Variants in UBE3C observed in about 807,000 individuals in gnomAD.
UBE3C encodes the protein ubiquitin-protein ligase E3C.
In UBE3C, 42 loss-of-function variants were observed where a neutral mutation model predicts 129.4. That is an observed-to-expected ratio of 0.32 (90% CI 0.25 to 0.42). UBE3C has a LOEUF of 0.42. Among genes scored for constraint, UBE3C ranks in the 10% least tolerant of loss-of-function variants. UBE3C has a pLI of 1.00. For missense variants in UBE3C, 1,049 were observed against 1,319.1 expected (o/e 0.80, Z 3.17); for synonymous variants, 510 against 492.4 (o/e 1.04, Z -0.47).
chr7:157,190,674 A>G (rs1351628724), intron 10 of UBE3C, among the ~76,000 whole-genome samples: 1 of 152,068 alleles, frequency 6.6e-6, no homozygotes, highest in East Asian at 1.9e-4. Context: ...GGAAAATACA[A>G]CCCTGATTAT....
At position 157,163,888 on chromosome 7, in the gene UBE3C, G is replaced by GT. The variant is rs1808142911; in HGVS notation, c.120+26dup. ...GGTAAAAACAGTTTTGTAATACTCT[G>GT]TAGATAAGCATTTTTTCTACAGCAT... On this transcript the variant is annotated intron_variant, in intron 2 of 22. Coordinates refer to ENST00000348165, the MANE Select transcript of UBE3C (RefSeq NM_014671.3). 2.5e-6 allele frequency: 4 copies of GT among 1,607,984 alleles called. No homozygotes were observed. The Admixed American group carries it at 6.7e-5, about 27-fold the overall frequency.
intron 6 of UBE3C, among the ~76,000 whole-genome samples, chr7:157,180,580 C>T (rs1320611251): frequency 2.6e-5 from 4 of 151,974 alleles, no homozygotes; most frequent in Non-Finnish European, 4.4e-5. Context: ...AATGTGCTAC[C>T]AAATACGCTT....
In UBE3C at chr7:157,188,197, T is replaced by G. The variant is rs189799317; in HGVS notation, c.1331+1176T>G. Among the ~76,000 whole-genome samples the G allele has an allele frequency of 2.4e-3, 364 of 152,370 alleles. 3 individuals carry two copies. Among genetic ancestry groups the G allele is most frequent in the Non-Finnish European group, 3.2e-3 (218 of 68,048 alleles). ...CAAAAGCTGTCAGTAAGTAAGCAGG[T>G]CTGACGTTAATTCACGTTACCCTAC... On this transcript the variant is annotated intron_variant, in intron 10 of 22. Coordinates refer to ENST00000348165, the MANE Select transcript of UBE3C (RefSeq NM_014671.3).
chr7:157,160,264 G>A (rs747379689), intron 1 of UBE3C, among the ~76,000 whole-genome samples: 15 of 151,964 alleles, frequency 9.9e-5, no homozygotes, highest in African/African-American at 1.9e-4. Context: ...TAGTAGAGAC[G>A]GGGTTCCACC....
intron 6 of UBE3C, 64 bp from the exon 7 acceptor site, chr7:157,181,454 G>A (rs1234688010): frequency 2.1e-6 from 3 of 1,434,852 alleles, no homozygotes; most frequent in Non-Finnish European, 2.8e-6. Context: ...TTTAAAAATT[G>A]GCAAGTTTTT....
At chr7:157,178,970 C>T (rs771637169) in intron 6 of UBE3C, 123 bp downstream of exon 6, 34 of 1,235,902 alleles carry the variant, frequency 2.8e-5, no homozygotes, top group South Asian at 2.2e-4. Flanking sequence ...GTGTCCCAGA[C>T]GCCTTGTGCT....
At chr7:157,223,480 G>A (rs1239397167) in intron 16 of UBE3C, 129 bp downstream of exon 16, 3 of 700,708 alleles carry the variant, frequency 4.3e-6, no homozygotes, top group Non-Finnish European at 6.9e-6. Context: ...TTTCTCATTA[G>A]GCTGAAATAG....
rs943289848 is a variant in UBE3C at position 157,269,286 on chromosome 7, GTT to G, written c.*1537_*1538del. ...GAAATTGACAATTCACTTATTTGTG[GTT>G]TTTTTCTCAGCTATTCTGAGCTTAT... On this transcript the variant is annotated 3_prime_UTR_variant, in exon 23 of 23. Transcript: ENST00000348165. 2 of 152,244 alleles carry G rather than the reference GTT, an allele frequency of 1.3e-5. No homozygotes were observed. The highest frequency in any genetic ancestry group is 2.9e-5 in the Non-Finnish European group (2 of 68,008). 9.4% of individuals were successfully genotyped at this position (152,244 alleles called of 1,614,324 possible).
intron 18 of UBE3C, among the ~76,000 whole-genome samples, chr7:157,238,200 G>T (rs775550761): frequency 6.6e-6 from 1 of 152,150 alleles, no homozygotes; most frequent in Admixed American, 6.5e-5. Flanking sequence ...CTTAAAATCA[G>T]CTTTGAGAGG....
chr7:157,181,695 A>G (rs1035236712), intron 7 of UBE3C, 24 bp downstream of exon 7: 11 of 1,607,846 alleles, frequency 6.8e-6, no homozygotes, highest in Non-Finnish European at 9.3e-6. Context: ...GGATTTATTG[A>G]TTTTGTCCTT....
At chr7:157,170,175 G>A in intron 3 of UBE3C, 129 bp from the exon 4 acceptor site, 1 of 713,296 alleles carries the variant, frequency 1.4e-6, no homozygotes, top group Non-Finnish European at 2.0e-6. Context: ...CTGTGAGCAA[G>A]GACCGATAAT....
chr7:157,144,484 T>C lies in UBE3C; in HGVS notation c.66+5146T>C, dbSNP rs567372346. On this transcript the variant is annotated intron_variant, in intron 1 of 22. Coordinates refer to ENST00000348165, the MANE Select transcript of UBE3C (RefSeq NM_014671.3). ...GTGGGGAAGACAGGAGTGGCATAAC[T>C]TTCAGAGTCTTCGAGAATACCCGAG... Among the ~76,000 whole-genome samples, 27 of 152,194 alleles carry C rather than the reference T, an allele frequency of 1.8e-4. 1 individual carries two copies. In the South Asian group the frequency reaches 5.6e-3, roughly 32 times the overall value.
In UBE3C at chr7:157,182,261, T is replaced by C; in HGVS notation, c.924T>C (p.Cys308=). ...CACTGTTGTTAATAGAGAGTAGATG[T>C]TCAAGAAAGAGTGGTGGAGCACCCT... ...LNALLLIESR[C]SRKSGGAPWL... The change falls in exon 8 of 23, where the codon TGT becomes TGC. Residue 308 remains cysteine, a synonymous_variant. Coordinates refer to ENST00000348165, the MANE Select transcript of UBE3C (RefSeq NM_014671.3). 6.2e-7 allele frequency: 1 copy of C among 1,614,256 alleles called. No homozygotes were observed. Among genetic ancestry groups the C allele is most frequent in the Non-Finnish European group, 8.5e-7 (1 of 1,180,040 alleles).
intron 1 of UBE3C, among the ~76,000 whole-genome samples, chr7:157,157,977 T>C (rs1807959115): frequency 2.3e-5 from 2 of 87,976 alleles, no homozygotes; most frequent in East Asian, 4.1e-4. Flanking sequence ...TATATAGATA[T>C]ATATATATAT....
intron 9 of UBE3C, among the ~76,000 whole-genome samples, chr7:157,186,389 G>T (rs1360263634): frequency 6.6e-6 from 1 of 150,850 alleles, no homozygotes; most frequent in African/African-American, 2.4e-5. Context: ...ACTCAGTCCA[G>T]TCTGGGTGAC....
At chr7:157,197,970 C>G in intron 10 of UBE3C, 2 of 1,609,646 alleles carry the variant, frequency 1.2e-6, no homozygotes, top group Non-Finnish European at 1.7e-6. Context: ...GAACCTCAAT[C>G]TAGGTTTTAT....
At chr7:157,235,533 T>C (rs1045600324) in intron 18 of UBE3C, among the ~76,000 whole-genome samples, 4 of 152,246 alleles carry the variant, frequency 2.6e-5, no homozygotes, top group Non-Finnish European at 5.9e-5. Flanking sequence ...ATATTGCTTA[T>C]AATTGAAATT....
Position 157,253,936 on chromosome 7 carries a change from T to TA in UBE3C, c.2695-17dup, listed in dbSNP as rs1039009761. 6.4e-7 allele frequency: 1 copy of TA among 1,564,612 alleles called. No homozygotes were observed. The highest frequency in any genetic ancestry group is 8.7e-7 in the Non-Finnish European group (1 of 1,152,186). ...CATACTTTGAGGATTTTGAGATCCT[T>TA]ACGTTTTGTATTCCCAGGTAGTTGA... On this transcript the variant is annotated splice_polypyrimidine_tract_variant and intron_variant, in intron 19 of 22. Coordinates refer to ENST00000348165, the MANE Select transcript of UBE3C (RefSeq NM_014671.3).
intron 1 of UBE3C, among the ~76,000 whole-genome samples, chr7:157,141,200 G>A (rs1301311997): frequency 6.6e-6 from 1 of 152,148 alleles, no homozygotes; most frequent in Non-Finnish European, 1.5e-5. Flanking sequence ...GGGCATGGGT[G>A]CCCTGGCCTG....
Sources: gnomAD v4.1 joint callset for allele counts (sites outside exome capture counted in the v4.1 genomes callset) on GRCh38, gnomAD v4.1.1 for gene constraint, MANE v1.5 for transcripts, NCBI Gene and HGNC (gene_info 2026-07-23, HGNC 2026-07-21) for gene names.